SETX: variants seen among roughly 807,000 people sequenced by gnomAD.
SETX encodes helicase senataxin.
SETX carries 90 observed loss-of-function variants against 227.2 expected under a neutral mutation model. The ratio of observed to expected loss-of-function variants is 0.40; its 90% CI spans 0.33 to 0.47. The LOEUF (loss-of-function observed/expected upper bound fraction) is 0.47. Ranked by LOEUF, SETX falls within the 20% of genes least tolerant of loss-of-function variation. The pLI, the probability that SETX is intolerant of heterozygous loss-of-function variation, is 0.91. For synonymous variants in SETX, 1,210 were observed against 1,113.2 expected, an observed-to-expected ratio of 1.09 and a Z score of -1.73; for missense variants, 3,052 against 3,181.5, an observed-to-expected ratio of 0.96 and a Z score of 0.98.
At position 132,346,580 on chromosome 9, in the gene SETX, A is replaced by C. The variant is rs1848305923; in HGVS notation, c.178-109T>G. The C allele has an allele frequency of 3.9e-6, 3 of 766,634 alleles. No individual in the cohort carries two copies. In the South Asian group the frequency reaches 4.6e-5, roughly 12 times the overall value. 47.5% of individuals were successfully genotyped at this position (766,634 alleles called of 1,614,324 possible). ...CCTAAGTACAAAAATTCTGAAATGT[A>C]AAGTATTAGAGCTTGTATTTTAGAT... On this transcript the variant is annotated intron_variant, in intron 3 of 25. Transcript: ENST00000224140.
intron 15 of SETX, among the ~76,000 whole-genome samples, chr9:132,289,761 A>G (rs113764831): frequency 1.2e-4 from 18 of 152,368 alleles, no homozygotes; most frequent in African/African-American, 4.1e-4. Context: ...ATTCTTGGAT[A>G]TAATAATTGC....
At chr9:132,319,299 TA>T (rs1846184846) in intron 10 of SETX, among the ~76,000 whole-genome samples, 1 of 152,330 alleles carries the variant, frequency 6.6e-6, no homozygotes, top group East Asian at 1.9e-4. Flanking sequence ...CATTTATGCT[TA>T]CCTTTCTAAA....
At position 132,277,042 on chromosome 9, in the gene SETX, G is replaced by C. The variant is rs1360905327; in HGVS notation, c.6935+18C>G. On this transcript the variant is annotated intron_variant, in intron 22 of 25. Transcript: ENST00000224140. Reference sequence around the variant, plus strand: ...AATTCTGGGACTATCAGAGGACTGAGGCAAGAGGAAAACATACTCATTATC... The same window carrying C: ...AATTCTGGGACTATCAGAGGACTGACGCAAGAGGAAAACATACTCATTATC... 6 of 1,599,686 alleles carry C rather than the reference G, an allele frequency of 3.8e-6. No individual in the cohort carries two copies. The South Asian group carries it at 5.5e-5, about 15-fold the overall frequency.
At chr9:132,349,046 T>C (rs376288374) in intron 3 of SETX, among the ~76,000 whole-genome samples, 25 of 151,786 alleles carry the variant, frequency 1.6e-4, no homozygotes, top group African/African-American at 5.8e-4. Context: ...AAATGATATA[T>C]GTATAATCAC....
chr9:132,263,113 A>G lies in SETX; in HGVS notation c.*1126T>C, dbSNP rs1842474309. 1.3e-5 allele frequency: 2 copies of G among 152,236 alleles called. No individual in the cohort carries two copies. Among genetic ancestry groups the G allele is most frequent in the African/African-American group, 4.8e-5 (2 of 41,458 alleles). The allele number at this position is 152,236 out of a possible 1,614,324, so 9.4% of individuals were successfully genotyped here. On this transcript the variant is annotated 3_prime_UTR_variant, in exon 26 of 26. Transcript: ENST00000224140. ...AACAGCATGTATTTTTACCAGGTAG[A>G]TGATTTCTGAAGATCACAGGAAGTC...
At position 132,264,496 on chromosome 9, in the gene SETX, C is replaced by T; in HGVS notation, c.7777G>A (p.Val2593Ile). Residue 2593 changes from valine to isoleucine, a missense_variant, in exon 26 of 26, where the codon GTA (valine) becomes ATA (isoleucine). Transcript: ENST00000224140. ...TTGTGGCTGCTCAGAGCAGCCACTA[C>T]AGCAGCGGGCTGCTGTATATGGCTC... ...DLSHIQQPAAVVAALSSHKPP... is the reference protein window; with the variant it reads ...DLSHIQQPAAIVAALSSHKPP... The T allele has an allele frequency of 6.2e-7, 1 of 1,613,886 alleles. No homozygotes were observed. Among genetic ancestry groups the T allele is most frequent in the Non-Finnish European group, 8.5e-7 (1 of 1,179,912 alleles).
chr9:132,305,292 T>G (rs1420040587), intron 11 of SETX, among the ~76,000 whole-genome samples: 1 of 139,788 alleles, frequency 7.2e-6, no homozygotes, highest in Non-Finnish European at 1.5e-5. Context: ...AGGTGGAGCT[T>G]GCAGTGAGCT....
chr9:132,278,177 C>G lies in SETX; in HGVS notation c.6735G>C (p.Met2245Ile). ...GCTGTAGAATGGGCAGCCTGCTGAT[C>G]ATGTTGTGTTCTACATTCTCTTCCA... is the stretch of plus-strand genomic sequence containing the variant. The part of the protein sequence containing the change: ...RLLEENVEHN[M>I]ISRLPILQLT... Residue 2245 changes from methionine to isoleucine, a missense_variant, in exon 21 of 26, where the codon ATG becomes ATC. This residue lies in a region of SETX where 412 missense variants were observed against 589.0 expected (regional missense o/e 0.70). Coordinates refer to ENST00000224140, the MANE Select transcript of SETX (RefSeq NM_015046.7). The G allele has an allele frequency of 6.2e-7, 1 of 1,614,168 alleles. No homozygotes were observed. Among genetic ancestry groups the G allele is most frequent in the Non-Finnish European group, 8.5e-7 (1 of 1,180,034 alleles).
At chr9:132,297,157 G>A (rs866655853) in intron 13 of SETX, 103 bp from the exon 14 acceptor site, 2 of 965,170 alleles carry the variant, frequency 2.1e-6, no homozygotes, top group Non-Finnish European at 1.6e-6. Flanking sequence ...CAATGCATGA[G>A]ACAAAAGCTT....
At chr9:132,338,926 TAAA>T in intron 5 of SETX, among the ~76,000 whole-genome samples, 1 of 151,998 alleles carries the variant, frequency 6.6e-6, no homozygotes, top group Non-Finnish European at 1.5e-5. Flanking sequence ...CCAAGCTAAT[TAAA>T]AAAAAAATTT....
At chr9:132,321,484 G>A (rs1268189014) in intron 10 of SETX, among the ~76,000 whole-genome samples, 7 of 151,852 alleles carry the variant, frequency 4.6e-5, no homozygotes, top group South Asian at 2.1e-4. Flanking sequence ...GTGAAACCCC[G>A]TCTCTACTAA....
chr9:132,346,393 C>A lies in SETX; in HGVS notation c.256G>T (p.Glu86Ter). 6.2e-7 allele frequency: 1 copy of A among 1,613,718 alleles called. No homozygotes were observed. Among genetic ancestry groups the A allele is most frequent in the South Asian group, 1.1e-5 (1 of 91,060 alleles). Residue 86 changes from glutamate to a stop codon, truncating the protein, a stop_gained, in exon 4 of 26, where the codon GAG becomes TAG. Transcript: ENST00000224140. LOFTEE classifies it high-confidence loss of function. Reference sequence around the variant, plus strand: ...CCATTATTGTCTACTATATATAACTCATCATCATCTCCAATTTCTGCCTTC... The same window carrying A: ...CCATTATTGTCTACTATATATAACTAATCATCATCTCCAATTTCTGCCTTC... ...SMKAEIGDDD[E>*]LYIVDNNGEM...
intron 25 of SETX, among the ~76,000 whole-genome samples, chr9:132,265,838 G>A (rs1040017821): frequency 6.6e-6 from 1 of 152,086 alleles, no homozygotes; most frequent in African/African-American, 2.4e-5. Flanking sequence ...AAACTTCTGA[G>A]TGCATGTGAC....
At chr9:132,340,840 T>G (rs1327505733) in intron 5 of SETX, among the ~76,000 whole-genome samples, 1 of 152,204 alleles carries the variant, frequency 6.6e-6, no homozygotes, top group African/African-American at 2.4e-5. Context: ...AAGGCAATGA[T>G]GAGGGAGAAC....
intron 3 of SETX, among the ~76,000 whole-genome samples, chr9:132,348,695 C>G (rs1848446292): frequency 6.6e-6 from 1 of 151,848 alleles, no homozygotes; most frequent in African/African-American, 2.4e-5. Flanking sequence ...GGGGGCCAAA[C>G]CGGAAGGATC....
In SETX at chr9:132,330,505, A is replaced by C; in HGVS notation, c.1099-6T>G. The C allele has an allele frequency of 6.2e-7, 1 of 1,609,660 alleles. No homozygotes were observed. The highest frequency in any genetic ancestry group is 8.5e-7 in the Non-Finnish European group (1 of 1,178,808). ...GCTGTTCTCCATCCAGAATCCTAAAATGAAAGAAATGCTGATGTTCAGATA... is the reference window on the plus strand; with the variant it reads ...GCTGTTCTCCATCCAGAATCCTAAACTGAAAGAAATGCTGATGTTCAGATA... On this transcript the variant is annotated splice_region_variant and splice_polypyrimidine_tract_variant and intron_variant, in intron 9 of 25. Transcript: ENST00000224140.
chr9:132,284,881 GTTGT>G (rs779816896), intron 18 of SETX, among the ~76,000 whole-genome samples: 4 of 147,848 alleles, frequency 2.7e-5, no homozygotes, highest in African/African-American at 5.1e-5. Context: ...TATTTTTTTT[GTTGT>G]TTTTTTTTTT....
At chr9:132,355,276 C>T (rs1848855114), upstream of SETX, among the ~76,000 whole-genome samples, 1 of 152,280 alleles carries the variant, frequency 6.6e-6, no homozygotes, top group African/African-American at 2.4e-5. Context: ...GCGGGTGGGG[C>T]GGCTCCGGGA....
At chr9:132,336,633 A>C (rs1198702559) in intron 5 of SETX, 118 bp from the exon 6 acceptor site, 1 of 784,630 alleles carries the variant, frequency 1.3e-6, no homozygotes, top group African/African-American at 1.7e-5. Context: ...CATATTAATT[A>C]ATGCAATGTG....
Sources: allele counts gnomAD v4.1 joint callset (sites outside exome capture counted in the v4.1 genomes callset), GRCh38; gene constraint gnomAD v4.1.1; regional missense constraint gnomAD v4.1.1; transcripts MANE v1.5; gene names NCBI Gene and HGNC (gene_info 2026-07-23, HGNC 2026-07-21).